Variants in DEDD observed in about 807,000 individuals in gnomAD.
DEDD encodes death effector domain-containing protein.
In DEDD, 3 loss-of-function variants were observed where a neutral mutation model predicts 29.2. The ratio of observed to expected loss-of-function variants is 0.10; its 90% CI spans 0.05 to 0.27. The LOEUF (loss-of-function observed/expected upper bound fraction) is 0.27. Ranked by LOEUF, DEDD falls within the 10% of genes least tolerant of loss-of-function variation. The probability of loss-of-function intolerance (pLI) is 1.00; values close to 1 mark genes in which losing one functional copy is unlikely to be tolerated. For synonymous variants in DEDD, 152 were observed against 161.3 expected (o/e 0.94, Z 0.44); for missense variants, 261 against 420.5 (o/e 0.62, Z 3.32).
Position 161,124,616 on chromosome 1 carries a change from G to C in DEDD, c.-64-90C>G, listed in dbSNP as rs1372891033. The stretch of plus-strand genomic sequence containing the variant: ...TATTCCCAGTTGCTAACAATGCCTG[G>C]CACAGTATAGTGCTTTATACATGTT... On this transcript the variant is annotated intron_variant, in intron 2 of 5. Coordinates refer to ENST00000368006, the MANE Select transcript of DEDD (RefSeq NM_032998.3). 13 of 1,409,496 alleles carry C rather than the reference G, an allele frequency of 9.2e-6. No individual in the cohort carries two copies. In the Admixed American group the frequency reaches 3.7e-4, roughly 40 times the overall value. The allele number at this position is 1,409,496 out of a possible 1,614,324, so 87.3% of individuals were successfully genotyped here. A position where few individuals can be genotyped will look rare whatever the true frequency, so the allele number is the denominator to read the frequency against.
rs1292589219 is a variant in DEDD at position 161,121,073 on chromosome 1, C to G, written c.*1074G>C. On this transcript the variant is annotated 3_prime_UTR_variant, in exon 6 of 6. Transcript: ENST00000368006. ...AATATAATAATCATAAAGTCTGTGT[C>G]TGGACATCGCCTTTGGGAACTAGAA... 12 of 1,197,552 alleles carry G rather than the reference C, an allele frequency of 1.0e-5. No homozygotes were observed. The East Asian group carries it at 6.2e-4, about 62-fold the overall frequency. The allele number at this position is 1,197,552 out of a possible 1,614,324, so 74.2% of individuals were successfully genotyped here. A position where few individuals can be genotyped will look rare whatever the true frequency, so the allele number is the denominator to read the frequency against.
chr1:161,129,539 C>CAAAAAAAAAAA (rs71579693), intron 2 of DEDD, among the ~76,000 whole-genome samples: 1 of 70,262 alleles, frequency 1.4e-5, no homozygotes. Flanking sequence ...GACCTTGCCT[C>CAAAAAAAAAAA]AAAAAAAAAA....
At chr1:161,130,077 T>C (rs1656539171) in intron 2 of DEDD, among the ~76,000 whole-genome samples, 1 of 152,188 alleles carries the variant, frequency 6.6e-6, no homozygotes, top group South Asian at 2.1e-4. Context: ...GTTTTTGAGG[T>C]ACTTGGCTCT....
chr1:161,129,962 C>G (rs1656533969), intron 2 of DEDD, among the ~76,000 whole-genome samples: 1 of 152,100 alleles, frequency 6.6e-6, no homozygotes, highest in Admixed American at 6.6e-5. Context: ...AGCCAAGGGC[C>G]AACAGTCTAT....
Position 161,121,897 on chromosome 1 carries a change from C to G in DEDD, c.*250G>C. The G allele has an allele frequency of 2.1e-6, 1 of 468,378 alleles. No individual in the cohort carries two copies. Among genetic ancestry groups the G allele is most frequent in the Non-Finnish European group, 3.8e-6 (1 of 261,310 alleles). The allele number at this position is 468,378 out of a possible 1,614,324, so 29.0% of individuals were successfully genotyped here. ...CTTCCTATACATTTGTCTTACGGCT[C>G]AGTGGTAAGGTAGCTGTAGAGACAC... is the stretch of plus-strand genomic sequence containing the variant. On this transcript the variant is annotated 3_prime_UTR_variant, in exon 6 of 6. Transcript: ENST00000368006.
rs749872816 is a variant in DEDD, at chr1:161,122,163, A to G, written c.941T>C (p.Leu314Pro). 2 of 1,613,494 alleles carry G rather than the reference A, an allele frequency of 1.2e-6. No homozygotes were observed. Among genetic ancestry groups the G allele is most frequent in the South Asian group, 2.2e-5 (2 of 91,040 alleles). The change falls in exon 6 of 6, where the codon CTG becomes CCG. Residue 314 changes from leucine (L) to proline (P), a missense_variant. By Grantham distance (98) the Leu-to-Pro change is moderately conservative. This residue lies in a region of DEDD where 58 missense variants were observed against 151.8 expected (regional missense o/e 0.38). Transcript: ENST00000368006. The surrounding 1 kb of genome is among the most constrained non-coding windows in gnomAD (Gnocchi z 4.2). ...GRQKLLRNLM[L>P]QALP ...GGGAATAGGTCAGGGCAATGCTTGC[A>G]GCATCAAGTTCCTCAGGAGTTTCTG...
chr1:161,128,656 C>T (rs1223253482), intron 2 of DEDD, among the ~76,000 whole-genome samples: 3 of 151,970 alleles, frequency 2.0e-5, no homozygotes, highest in African/African-American at 7.3e-5. Context: ...AACAAAGAAT[C>T]ATGCAGCACA....
chr1:161,127,384 T>A (rs1441983475), intron 2 of DEDD, among the ~76,000 whole-genome samples: 1 of 152,212 alleles, frequency 6.6e-6, no homozygotes, highest in Non-Finnish European at 1.5e-5. Flanking sequence ...GAACTGAGGC[T>A]AGACTAGGAA....
Position 161,121,271 on chromosome 1 carries a change from C to T in DEDD, c.*876G>A, listed in dbSNP as rs181046124. Reference sequence around the variant, plus strand: ...AGGAGGGGGAAGGAAAAAGGAATTACTTCACTTACACCTATGATGCCCTTT... The same window carrying T: ...AGGAGGGGGAAGGAAAAAGGAATTATTTCACTTACACCTATGATGCCCTTT... On this transcript the variant is annotated 3_prime_UTR_variant, in exon 6 of 6. Coordinates refer to ENST00000368006, the MANE Select transcript of DEDD (RefSeq NM_032998.3). 1.8e-5 allele frequency: 14 copies of T among 769,708 alleles called. No individual in the cohort carries two copies. The highest frequency in any genetic ancestry group is 5.9e-5 in the Admixed American group (1 of 16,982). The allele number at this position is 769,708 out of a possible 1,614,324, so 47.7% of individuals were successfully genotyped here. A position where few individuals can be genotyped will look rare whatever the true frequency, so the allele number is the denominator to read the frequency against.
chr1:161,121,918 GAC>G lies in DEDD; in HGVS notation c.*227_*228del, dbSNP rs936739000. On this transcript the variant is annotated 3_prime_UTR_variant, in exon 6 of 6. Transcript: ENST00000368006. ...GGCTCAGTGGTAAGGTAGCTGTAGAGACACATTACGGGGTAAATGGAAAAGGG... is the reference window on the plus strand; with the variant it reads ...GGCTCAGTGGTAAGGTAGCTGTAGAGACATTACGGGGTAAATGGAAAAGGG... 1.9e-6 allele frequency: 1 copy of G among 539,822 alleles called. No homozygotes were observed. Among genetic ancestry groups the G allele is most frequent in the Non-Finnish European group, 3.3e-6 (1 of 306,386 alleles). The allele number at this position is 539,822 out of a possible 1,614,324, so 33.4% of individuals were successfully genotyped here.
At chr1:161,126,446 C>T (rs1289341629) in intron 2 of DEDD, among the ~76,000 whole-genome samples, 3 of 151,006 alleles carry the variant, frequency 2.0e-5, no homozygotes, top group East Asian at 1.9e-4. Context: ...CAGGTTCAAG[C>T]GATTCTCCTG....
chr1:161,123,493 G>C (rs1655771595), intron 4 of DEDD, among the ~76,000 whole-genome samples: 1 of 152,058 alleles, frequency 6.6e-6, no homozygotes, highest in African/African-American at 2.4e-5. Flanking sequence ...AAAATTAGCT[G>C]GGCGTGCTGG....
chr1:161,123,322 A>G (rs887706602), intron 4 of DEDD, 101 bp from the exon 5 acceptor site: 14 of 1,161,690 alleles, frequency 1.2e-5, no homozygotes, highest in Non-Finnish European at 1.6e-5. Context: ...TTAGCACTAA[A>G]AGCAGTGGAA....
rs1656286710 is a variant in DEDD at position 161,127,401 on chromosome 1, AAAT to A, written c.-64-2878_-64-2876del. Among the ~76,000 whole-genome samples, 7 of 152,346 alleles carry A rather than the reference AAAT, an allele frequency of 4.6e-5. No individual in the cohort carries two copies. The South Asian group carries it at 1.4e-3, about 32-fold the overall frequency. On this transcript the variant is annotated intron_variant, in intron 2 of 5. Coordinates refer to ENST00000368006, the MANE Select transcript of DEDD (RefSeq NM_032998.3). Reference sequence around the variant, plus strand: ...ACTGAGGCTAGACTAGGAAACAATAAAATAATAAGCTTCTTTGGAAAAACAAAG... The same window carrying A: ...ACTGAGGCTAGACTAGGAAACAATAAAATAAGCTTCTTTGGAAAAACAAAG...
chr1:161,123,117 G>T lies in DEDD; in HGVS notation c.538C>A (p.Arg180=). The part of the protein sequence containing the change: ...RATLGSQRKR[R]KSVTPDPKEK... ...TTGGGATCTGGTGTCACTGACTTCC[G>T]GCGTTTTCGCTGGCTCCCAAGTGTG... Residue 180 remains arginine (R), a synonymous_variant, in exon 5 of 6, where the codon CGG becomes AGG. Coordinates refer to ENST00000368006, the MANE Select transcript of DEDD (RefSeq NM_032998.3). 1 of 1,614,148 alleles carries T rather than the reference G, an allele frequency of 6.2e-7. No homozygotes were observed. The highest frequency in any genetic ancestry group is 1.3e-5 in the African/African-American group (1 of 75,032).
chr1:161,126,317 C>T (rs1253053178), intron 2 of DEDD, among the ~76,000 whole-genome samples: 1 of 150,792 alleles, frequency 6.6e-6, no homozygotes, highest in African/African-American at 2.4e-5. Flanking sequence ...ATTGCCCCAT[C>T]GTTATCTATA....
At chr1:161,132,465 C>T (rs999764208) in intron 1 of DEDD, 86 bp downstream of exon 1, 5 of 155,466 alleles carry the variant, frequency 3.2e-5, no homozygotes, top group East Asian at 1.9e-4. Context: ...CTCCACTTTC[C>T]TTCCCCAAGC....
chr1:161,122,864 T>G lies in DEDD; in HGVS notation c.580+211A>C. On this transcript the variant is annotated intron_variant, in intron 5 of 5. Coordinates refer to ENST00000368006, the MANE Select transcript of DEDD (RefSeq NM_032998.3). The surrounding 1 kb of genome is among the most constrained non-coding windows in gnomAD (Gnocchi z 4.2). ...TAAGGATGTCATAACAACATCCCTG[T>G]GATGTAGTATTAACTAACAAGAGTT... 1 of 870,110 alleles carries G rather than the reference T, an allele frequency of 1.1e-6. No homozygotes were observed. Among genetic ancestry groups the G allele is most frequent in the African/African-American group, 1.7e-5 (1 of 60,030 alleles). The allele number at this position is 870,110 out of a possible 1,614,324, so 53.9% of individuals were successfully genotyped here.
intron 4 of DEDD, 133 bp downstream of exon 4, chr1:161,123,706 G>T: frequency 1.3e-6 from 1 of 748,640 alleles, no homozygotes; most frequent in Non-Finnish European, 2.2e-6. Context: ...CACCTCGCCT[G>T]ATTTTTTTTT....
Sources: allele counts gnomAD v4.1 joint callset (sites outside exome capture counted in the v4.1 genomes callset), GRCh38; gene constraint gnomAD v4.1.1; regional missense constraint gnomAD v4.1.1; non-coding constraint Gnocchi (gnomAD v3.1); transcripts MANE v1.5; gene names NCBI Gene and HGNC (gene_info 2026-07-23, HGNC 2026-07-21).